CIITA: variants seen among roughly 807,000 people sequenced by gnomAD.
CIITA encodes class II major histocompatibility complex transactivator.
Under a neutral mutation model 115.1 loss-of-function variants are expected in CIITA, and 72 were observed. The observed-to-expected ratio is 0.63, with a 90% CI of 0.52 to 0.76. The LOEUF is 0.76. CIITA is among the 30% of genes least tolerant of loss of function. CIITA has a pLI of 0.00. For synonymous variants in CIITA, 763 were observed against 635.6 expected (o/e 1.20, Z -3.02); for missense variants, 1,617 against 1,463.8 (o/e 1.10, Z -1.71).
At chr16:10,899,181 C>T (rs2038450753) in intron 5 of CIITA, among the ~76,000 whole-genome samples, 179 bp downstream of exon 5, 3 of 152,184 alleles carry the variant, frequency 2.0e-5, no homozygotes, top group African/African-American at 7.2e-5. Flanking sequence ...GCCCTGATAA[C>T]CCTCCAATGG....
In CIITA at chr16:10,935,859, A is replaced by G. The variant is rs1220748655; in HGVS notation, c.*12004A>G. 6.6e-6 allele frequency: 1 copy of G among 152,258 alleles called. No individual in the cohort carries two copies. The highest frequency in any genetic ancestry group is 2.4e-5 in the African/African-American group (1 of 41,460). 9.4% of individuals were successfully genotyped at this position (152,258 alleles called of 1,614,324 possible). On this transcript the variant is annotated 3_prime_UTR_variant, in exon 20 of 20. Transcript: ENST00000324288. ...CTCTGCTTAATATGTCAATGTCACA[A>G]GAGAGAAAGACAGACTGAAGAGCTG... is the stretch of plus-strand genomic sequence containing the variant.
intron 13 of CIITA, among the ~76,000 whole-genome samples, chr16:10,912,787 G>A (rs11647308): frequency 2.0e-5 from 3 of 152,312 alleles, no homozygotes; most frequent in African/African-American, 4.8e-5. Flanking sequence ...GGGGAACAGC[G>A]GCCATGGGGT....
chr16:10,906,430 C>A, intron 10 of CIITA, 69 bp from the exon 11 acceptor site: 1 of 1,532,222 alleles, frequency 6.5e-7, no homozygotes, highest in Non-Finnish European at 9.0e-7. Context: ...GCAGTGCTGG[C>A]CTTGTGGTGG....
chr16:10,872,639 C>T (rs780895380), upstream of CIITA, among the ~76,000 whole-genome samples: 2 of 152,206 alleles, frequency 1.3e-5, no homozygotes, highest in Non-Finnish European at 2.9e-5. Context: ...TCAGCAGGTC[C>T]AGGTTCTCAT....
At chr16:10,895,168 T>C in intron 1 of CIITA, 114 bp from the exon 2 acceptor site, 2 of 1,281,858 alleles carry the variant, frequency 1.6e-6, no homozygotes, top group Admixed American at 3.4e-5. Context: ...GAATGAGCGC[T>C]TTTATTCACT....
upstream of CIITA, among the ~76,000 whole-genome samples, chr16:10,873,195 A>G (rs2035602628): frequency 6.6e-6 from 1 of 152,140 alleles, no homozygotes; most frequent in Non-Finnish European, 1.5e-5. Context: ...GCTGGTCTCA[A>G]ACTTCTGGGC....
At chr16:10,870,660 G>C (rs370521931) in intron 1 of CIITA, among the ~76,000 whole-genome samples, 2 of 152,172 alleles carry the variant, frequency 1.3e-5, no homozygotes, top group East Asian at 1.9e-4. Context: ...TGCTCCTTAC[G>C]TACCATGTGA....
chr16:10,892,330 A>G (rs947190031), intron 1 of CIITA, among the ~76,000 whole-genome samples: 2 of 151,960 alleles, frequency 1.3e-5, no homozygotes, highest in African/African-American at 4.8e-5. Context: ...TCTCAAAAAA[A>G]AAAAGAAAAA....
At chr16:10,908,829 GA>G in intron 11 of CIITA, 199 bp from the exon 12 acceptor site, 1 of 729,236 alleles carries the variant, frequency 1.4e-6, no homozygotes, top group Non-Finnish European at 2.3e-6. Flanking sequence ...AGCAAAAAGG[GA>G]AAGAAAACCA....
At chr16:10,866,407 T>C (rs1248137780) in intron 1 of CIITA, 2 of 565,610 alleles carry the variant, frequency 3.5e-6, no homozygotes, top group Non-Finnish European at 6.9e-6. Context: ...CTCCAGGGAA[T>C]ACCACTGCAC....
intron 3 of CIITA, 81 bp downstream of exon 3, chr16:10,895,845 C>A: frequency 7.4e-7 from 1 of 1,347,092 alleles, no homozygotes; most frequent in Non-Finnish European, 1.1e-6. Flanking sequence ...ACCCATTCAT[C>A]ATGAGCCACG....
rs749350138 is a variant in CIITA, at chr16:10,907,591, G to A, written c.2099G>A (p.Arg700Gln). 87 of 1,614,096 alleles carry A rather than the reference G, an allele frequency of 5.4e-5. No individual in the cohort carries two copies. The highest frequency in any genetic ancestry group is 1.3e-4 in the Admixed American group (8 of 60,012). ...AAAGGCTTAGTCCAACACCCACCGC[G>A]GGCCGCAGAGTCCGAGCTGGCCTTC... The part of the protein sequence containing the change: ...MAKGLVQHPP[R>Q]AAESELAFPS... Residue 700 changes from arginine to glutamine, a missense_variant, in exon 11 of 20, where the codon CGG becomes CAG. Arg to Gln is a conservative substitution (Grantham distance 43). Transcript: ENST00000324288. The surrounding 1 kb of genome is among the most constrained non-coding windows in gnomAD (Gnocchi z 5.0).
At chr16:10,894,315 T>C (rs1025412028) in intron 1 of CIITA, among the ~76,000 whole-genome samples, 2 of 152,240 alleles carry the variant, frequency 1.3e-5, no homozygotes, top group African/African-American at 4.8e-5. Context: ...AATGGTGGAA[T>C]ACTTTATTGT....
In CIITA at chr16:10,907,452, C is replaced by T. The variant is rs747535079; in HGVS notation, c.1960C>T (p.Pro654Ser). ...GGGCCGTGCAGCCCTCGACAGCCCCCCCGGGGCCCTGGCAGAGCTGGCCAA... is the reference window on the plus strand; with the variant it reads ...GGGCCGTGCAGCCCTCGACAGCCCCTCCGGGGCCCTGGCAGAGCTGGCCAA... ...LLGRAALDSP[P>S]GALAELAKLA... Residue 654 changes from proline to serine, a missense_variant, in exon 11 of 20, where the codon CCC (proline) becomes TCC (serine). Coordinates refer to ENST00000324288, the MANE Select transcript of CIITA (RefSeq NM_000246.4). This position sits in a 1 kb window ranked among gnomAD's most constrained non-coding sequence, Gnocchi z 5.0. 2 of 1,613,376 alleles carry T rather than the reference C, an allele frequency of 1.2e-6. No individual in the cohort carries two copies. The highest frequency in any genetic ancestry group is 2.2e-5 in the East Asian group (1 of 44,870).
chr16:10,887,421 C>T (rs1357403821), intron 1 of CIITA, among the ~76,000 whole-genome samples: 2 of 152,072 alleles, frequency 1.3e-5, no homozygotes, highest in African/African-American at 4.8e-5. Flanking sequence ...TCTAGGCACA[C>T]AGTTCAGAGG....
chr16:10,920,961 C>T lies in CIITA; in HGVS notation c.3150-1206C>T, dbSNP rs976757434. 4.6e-5 allele frequency among the ~76,000 whole-genome samples: 7 copies of T among 152,180 alleles called. No homozygotes were observed. Among genetic ancestry groups the T allele is most frequent in the Non-Finnish European group, 1.0e-4 (7 of 67,982 alleles). ...CTCAGTTCACTGCAACTCCGCCTCC[C>T]GAGTTCAAGCAATTCTCCTGCCTCA... On this transcript the variant is annotated intron_variant, in intron 16 of 19. Transcript: ENST00000324288. This position sits in a 1 kb window ranked among gnomAD's most constrained non-coding sequence, Gnocchi z 4.5.
chr16:10,901,455 C>A lies in CIITA; in HGVS notation c.437-59C>A. 1 of 1,585,968 alleles carries A rather than the reference C, an allele frequency of 6.3e-7. No homozygotes were observed. Among genetic ancestry groups the A allele is most frequent in the Non-Finnish European group, 8.7e-7 (1 of 1,154,870 alleles). Reference sequence around the variant, plus strand: ...CCGTATAGCCTGCTAGAGTCCTGAGCCCCTTCTGGCTTGGGACATCCTCTC... The same window carrying A: ...CCGTATAGCCTGCTAGAGTCCTGAGACCCTTCTGGCTTGGGACATCCTCTC... On this transcript the variant is annotated intron_variant, in intron 5 of 19. Coordinates refer to ENST00000324288, the MANE Select transcript of CIITA (RefSeq NM_000246.4). This position sits in a 1 kb window ranked among gnomAD's most constrained non-coding sequence, Gnocchi z 6.8.
intron 15 of CIITA, among the ~76,000 whole-genome samples, 191 bp from the exon 16 acceptor site, chr16:10,918,249 C>T (rs909417500): frequency 6.6e-6 from 1 of 152,172 alleles, no homozygotes; most frequent in African/African-American, 2.4e-5. Context: ...GTGCACTCTC[C>T]CTCCCATCCA....
upstream of CIITA, among the ~76,000 whole-genome samples, chr16:10,876,853 G>A (rs528906495): frequency 5.9e-5 from 9 of 152,306 alleles, no homozygotes; most frequent in South Asian, 4.1e-4. Context: ...GCATCTGGGC[G>A]GAGGGCTATG....
Sources: gnomAD v4.1 joint callset for allele counts (sites outside exome capture counted in the v4.1 genomes callset) on GRCh38, gnomAD v4.1.1 for gene constraint, Gnocchi (gnomAD v3.1) non-coding constraint, MANE v1.5 for transcripts, NCBI Gene and HGNC (gene_info 2026-07-23, HGNC 2026-07-21) for gene names.